PTCHD4: variants seen among roughly 807,000 people sequenced by gnomAD.
PTCHD4 encodes patched domain containing 4, also known as patched domain-containing protein 4.
A neutral mutation model predicts 58.1 loss-of-function variants in PTCHD4; 33 were observed. That is an observed-to-expected ratio of 0.57 (90% CI 0.43 to 0.76). The LOEUF is 0.76. PTCHD4 is among the 30% of genes least tolerant of loss of function. The pLI, the probability that PTCHD4 is intolerant of heterozygous loss-of-function variation, is 0.00. For synonymous variants in PTCHD4, 478 were observed against 409.6 expected, an observed-to-expected ratio of 1.17 and a Z score of -2.02; for missense variants, 1,058 against 1,027.1, an observed-to-expected ratio of 1.03 and a Z score of -0.41.
chr6:47,929,560 T>C (rs968140404), intron 4 of PTCHD4, among the ~76,000 whole-genome samples: 2 of 152,226 alleles, frequency 1.3e-5, no homozygotes, highest in Non-Finnish European at 1.5e-5. Context: ...TTGTACATTC[T>C]AACAAATCAC....
chr6:48,007,226 C>T (rs955956903), intron 4 of PTCHD4, among the ~76,000 whole-genome samples: 9 of 151,842 alleles, frequency 5.9e-5, no homozygotes, highest in African/African-American at 9.7e-5. Context: ...GAAGACAGAG[C>T]GAGACTCTGT....
chr6:47,940,722 G>A (rs539757462), intron 4 of PTCHD4, among the ~76,000 whole-genome samples: 7 of 152,244 alleles, frequency 4.6e-5, no homozygotes, highest in African/African-American at 9.6e-5. Context: ...GTCACCCAGA[G>A]TATAAGATAT....
chr6:47,943,811 A>G (rs1210381339), intron 4 of PTCHD4, among the ~76,000 whole-genome samples: 1 of 152,098 alleles, frequency 6.6e-6, no homozygotes, highest in East Asian at 1.9e-4. Flanking sequence ...ATAATCGAAA[A>G]TCAGGCATTT....
chr6:47,884,947 G>A (rs1764136024), intron 4 of PTCHD4, among the ~76,000 whole-genome samples: 1 of 152,108 alleles, frequency 6.6e-6, no homozygotes, highest in South Asian at 2.1e-4. Context: ...GTTTATAATT[G>A]TTATTTTTTT....
At chr6:47,983,358 C>A (rs1767953349) in intron 4 of PTCHD4, among the ~76,000 whole-genome samples, 1 of 151,916 alleles carries the variant, frequency 6.6e-6, no homozygotes, top group Non-Finnish European at 1.5e-5. Flanking sequence ...AGGGTTCAAA[C>A]TATGTTTTTG....
chr6:47,989,513 T>TGTG (rs1434804513), intron 4 of PTCHD4, among the ~76,000 whole-genome samples: 1 of 152,106 alleles, frequency 6.6e-6, no homozygotes, highest in East Asian at 1.9e-4. Context: ...CCCTGTGCTG[T>TGTG]GTGAAGTCTA....
At chr6:47,975,107 C>G (rs1767644391) in intron 4 of PTCHD4, among the ~76,000 whole-genome samples, 1 of 151,980 alleles carries the variant, frequency 6.6e-6, no homozygotes, top group Non-Finnish European at 1.5e-5. Flanking sequence ...TAAAAATTAT[C>G]TCCTTATCTC....
chr6:48,047,151 G>A (rs1270040534), intron 3 of PTCHD4, among the ~76,000 whole-genome samples: 1 of 151,648 alleles, frequency 6.6e-6, no homozygotes, highest in Non-Finnish European at 1.5e-5. Flanking sequence ...TTATTTGGTA[G>A]AACTCTCTCC....
chr6:47,995,005 T>G (rs1412304841), intron 4 of PTCHD4, among the ~76,000 whole-genome samples: 1 of 152,130 alleles, frequency 6.6e-6, no homozygotes, highest in Non-Finnish European at 1.5e-5. Flanking sequence ...CCTCAAACAG[T>G]TAGAAATCAT....
chr6:47,987,401 T>G (rs925111076), intron 4 of PTCHD4, among the ~76,000 whole-genome samples: 1 of 147,548 alleles, frequency 6.8e-6, no homozygotes, highest in Non-Finnish European at 1.5e-5. Flanking sequence ...AAACTTAAAG[T>G]ATAATAAAAA....
At chr6:47,947,561 A>C (rs764694205) in intron 4 of PTCHD4, among the ~76,000 whole-genome samples, 2 of 151,656 alleles carry the variant, frequency 1.3e-5, no homozygotes, top group African/African-American at 4.8e-5. Flanking sequence ...TTTTTTCTGG[A>C]TATAGAATTC....
At position 47,966,375 on chromosome 6, in the gene PTCHD4, T is replaced by C. The variant is rs575432050; in HGVS notation, c.898+42259A>G. The stretch of plus-strand genomic sequence containing the variant: ...AAAAATATTTTTTGGTAAAAAGTGC[T>C]AATGATTTTCTGAGCCTTGTGATTT... On this transcript the variant is annotated intron_variant, in intron 4 of 4. Coordinates refer to ENST00000339488, the MANE Select transcript of PTCHD4 (RefSeq NM_001384253.1). 1.9e-4 allele frequency among the ~76,000 whole-genome samples: 29 copies of C among 152,364 alleles called. 1 individual carries two copies. The South Asian group carries it at 2.7e-3, about 14-fold the overall frequency.
At chr6:47,904,924 T>C (rs1349084858) in intron 4 of PTCHD4, among the ~76,000 whole-genome samples, 2 of 151,994 alleles carry the variant, frequency 1.3e-5, no homozygotes, top group Non-Finnish European at 2.9e-5. Context: ...GGAAATGCCA[T>C]TTGAGTTAAG....
intron 1 of PTCHD4, among the ~76,000 whole-genome samples, chr6:48,085,631 A>T (rs1462729764): frequency 6.6e-6 from 1 of 152,214 alleles, no homozygotes; most frequent in Admixed American, 6.5e-5. Context: ...CTCTAGCTGC[A>T]TTTCTTTAGT....
At chr6:48,027,170 T>A (rs1763278588) in intron 3 of PTCHD4, among the ~76,000 whole-genome samples, 1 of 152,150 alleles carries the variant, frequency 6.6e-6, no homozygotes, top group African/African-American at 2.4e-5. Context: ...CACTACCAAA[T>A]TAATTAATGG....
At chr6:47,947,497 TCA>T (rs1283323462) in intron 4 of PTCHD4, among the ~76,000 whole-genome samples, 2 of 152,122 alleles carry the variant, frequency 1.3e-5, no homozygotes, top group Non-Finnish European at 2.9e-5. Flanking sequence ...TTTACTAAAC[TCA>T]GTATAGTTTT....
At chr6:47,913,939 TC>T (rs2113871722) in intron 4 of PTCHD4, among the ~76,000 whole-genome samples, 1 of 152,252 alleles carries the variant, frequency 6.6e-6, no homozygotes, top group Non-Finnish European at 1.5e-5. Context: ...ATTAGCACAC[TC>T]TGTATCCAGA....
At chr6:48,073,523 C>A (rs1455132156) in intron 1 of PTCHD4, among the ~76,000 whole-genome samples, 3 of 152,172 alleles carry the variant, frequency 2.0e-5, no homozygotes, top group Admixed American at 2.0e-4. Context: ...CAATTCTAAC[C>A]ATTCTAACAT....
At chr6:47,893,406 C>G (rs142232804) in intron 4 of PTCHD4, among the ~76,000 whole-genome samples, 1 of 152,296 alleles carries the variant, frequency 6.6e-6, no homozygotes, top group East Asian at 1.9e-4. Flanking sequence ...TAAAAAGATG[C>G]ACTGTGGAGT....
Sources: allele counts gnomAD v4.1 joint callset (sites outside exome capture counted in the v4.1 genomes callset), GRCh38; gene constraint gnomAD v4.1.1; transcripts MANE v1.5; gene names NCBI Gene and HGNC (gene_info 2026-07-23, HGNC 2026-07-21).